ZNF331: variants seen among roughly 807,000 people sequenced by gnomAD.
The protein encoded by ZNF331 is zinc finger protein 331.
ZNF331 carries 2 observed loss-of-function variants against 7.0 expected under a neutral mutation model. The ratio of observed to expected loss-of-function variants is 0.29; its 90% CI spans 0.12 to 0.90. The LOEUF (loss-of-function observed/expected upper bound fraction) is 0.90, where lower values mean the gene tolerates loss of function less well. Ranked by LOEUF, ZNF331 falls within the 40% of genes least tolerant of loss-of-function variation. The pLI, the probability that ZNF331 is intolerant of heterozygous loss-of-function variation, is 0.58. For missense variants in ZNF331, 432 were observed against 587.7 expected (o/e 0.74, Z 2.74); for synonymous variants, 196 against 205.4 (o/e 0.95, Z 0.39).
chr19:53,571,485 T>C lies in ZNF331; in HGVS notation c.10-119T>C, dbSNP rs1028244730. 1 of 1,300,082 alleles carries C rather than the reference T, an allele frequency of 7.7e-7. No homozygotes were observed. Among genetic ancestry groups the C allele is most frequent in the Admixed American group, 2.1e-5 (1 of 46,608 alleles). 80.5% of individuals were successfully genotyped at this position (1,300,082 alleles called of 1,614,324 possible). A position where few individuals can be genotyped will look rare whatever the true frequency, so the allele number is the denominator to read the frequency against. On this transcript the variant is annotated intron_variant, in intron 4 of 5. Transcript: ENST00000449416. This position sits in a 1 kb window ranked among gnomAD's most constrained non-coding sequence, Gnocchi z 4.7. ...TGATGTCCTTACCGCCCCTTGCCGATGTCACGGGTGTTCAGTCTGCTCACG... is the reference window on the plus strand; with the variant it reads ...TGATGTCCTTACCGCCCCTTGCCGACGTCACGGGTGTTCAGTCTGCTCACG...
chr19:53,513,189 G>C, the ZNF331 span, among the ~76,000 whole-genome samples: 6 of 151,670 alleles, frequency 4.0e-5, no homozygotes, highest in Non-Finnish European at 8.8e-5. Context: ...CTGTCTGTCT[G>C]TCTCACAGTG....
Position 53,561,821 on chromosome 19 carries a change from C to G in ZNF331, c.-74+5913C>G, listed in dbSNP as rs531512837. 3.9e-5 allele frequency among the ~76,000 whole-genome samples: 6 copies of G among 152,244 alleles called. No homozygotes were observed. In the East Asian group the frequency reaches 1.2e-3, roughly 29 times the overall value. On this transcript the variant is annotated intron_variant, in intron 3 of 5. Coordinates refer to ENST00000449416, the MANE Select transcript of ZNF331 (RefSeq NM_001079906.2). Reference sequence around the variant, plus strand: ...TGAGCCGTGATCCCACCACTGCCCTCCAGCCTGGGTGAAAGAGTGAGACCA... The same window carrying G: ...TGAGCCGTGATCCCACCACTGCCCTGCAGCCTGGGTGAAAGAGTGAGACCA...
Position 53,539,399 on chromosome 19 carries a change from T to C in ZNF331, c.-138+117T>C, listed in dbSNP as rs2087974230. Reference sequence around the variant, plus strand: ...TTTCTGCCTCTTAGCTTTTTGAGCCTTCTGAAGATAGGCTTGTGAGGAGGG... The same window carrying C: ...TTTCTGCCTCTTAGCTTTTTGAGCCCTCTGAAGATAGGCTTGTGAGGAGGG... On this transcript the variant is annotated intron_variant, in intron 2 of 5. Transcript: ENST00000449416. This position sits in a 1 kb window ranked among gnomAD's most constrained non-coding sequence, Gnocchi z 6.1. 6.6e-6 allele frequency: 1 copy of C among 152,178 alleles called. No homozygotes were observed. The highest frequency in any genetic ancestry group is 2.4e-5 in the African/African-American group (1 of 41,440). 9.4% of individuals were successfully genotyped at this position (152,178 alleles called of 1,614,324 possible).
intron 2 of ZNF331, among the ~76,000 whole-genome samples, chr19:53,530,872 C>T (rs2569566): frequency 0.26 from 39,906 of 151,988 alleles, 6,208 homozygotes; most frequent in African/African-American, 0.43. Context: ...GACAGGTGTG[C>T]GAGTATCTTG....
intron 3 of ZNF331, among the ~76,000 whole-genome samples, chr19:53,557,383 A>G (rs2089503809): frequency 1.3e-5 from 2 of 152,284 alleles, no homozygotes; most frequent in African/African-American, 2.4e-5. Context: ...ATGGCCACAC[A>G]TGGTGAAAGG....
chr19:53,566,592 G>A (rs910962151), intron 3 of ZNF331, among the ~76,000 whole-genome samples: 1 of 152,024 alleles, frequency 6.6e-6, no homozygotes, highest in Admixed American at 6.6e-5. Flanking sequence ...TTATTCCAGC[G>A]AAGGGATACA....
intron 2 of ZNF331, among the ~76,000 whole-genome samples, chr19:53,524,373 C>T (rs1275764540): frequency 6.6e-6 from 1 of 152,218 alleles, no homozygotes; most frequent in African/African-American, 2.4e-5. Flanking sequence ...AATTTACACT[C>T]CCACCAACAG....
At chr19:53,517,429 A>C (rs1007830336), upstream of ZNF331, among the ~76,000 whole-genome samples, 3 of 152,190 alleles carry the variant, frequency 2.0e-5, no homozygotes, top group Non-Finnish European at 2.9e-5. Flanking sequence ...GCCATAAAAG[A>C]AGCTGGGCTT....
intron 2 of ZNF331, among the ~76,000 whole-genome samples, chr19:53,527,569 T>G (rs1289222522): frequency 6.6e-6 from 1 of 152,172 alleles, no homozygotes; most frequent in African/African-American, 2.4e-5. Flanking sequence ...CTGTTAACAT[T>G]TTGTTAACAG....
At chr19:53,553,468 G>A (rs551314547) in intron 2 of ZNF331, among the ~76,000 whole-genome samples, 4 of 152,178 alleles carry the variant, frequency 2.6e-5, no homozygotes, top group East Asian at 1.9e-4. Context: ...AAGAATCTAC[G>A]GTTGTATCAA....
At chr19:53,537,700 C>T (rs1473467699), upstream of ZNF331, 1 of 152,306 alleles carries the variant, frequency 6.6e-6, no homozygotes, top group Non-Finnish European at 1.5e-5. Context: ...CCGACGGCCC[C>T]GCGTCCTCTT....
Position 53,577,379 on chromosome 19 carries a change from T to C in ZNF331, c.819T>C (p.Cys273=), listed in dbSNP as rs2090769213. The C allele has an allele frequency of 6.2e-7, 1 of 1,614,206 alleles. No homozygotes were observed. The highest frequency in any genetic ancestry group is 8.5e-7 in the Non-Finnish European group (1 of 1,180,036). ...ATAGTGGGGAGAAGCCTTACGAGTG[T>C]AAAGACTGTGGGAAGGCTTTTATTT... ...RIHSGEKPYE[C]KDCGKAFICG... is the part of the protein sequence containing the mutation. The change falls in exon 6 of 6, where the codon TGT becomes TGC. Residue 273 remains cysteine, a synonymous_variant. Coordinates refer to ENST00000449416, the MANE Select transcript of ZNF331 (RefSeq NM_001079906.2).
At chr19:53,540,909 A>G (rs1357442560) in intron 2 of ZNF331, among the ~76,000 whole-genome samples, 1 of 152,136 alleles carries the variant, frequency 6.6e-6, no homozygotes, top group Non-Finnish European at 1.5e-5. Context: ...TCTCATTTTG[A>G]GGACCCTGGT....
chr19:53,556,387 C>T (rs980962571), intron 3 of ZNF331, among the ~76,000 whole-genome samples: 1 of 152,004 alleles, frequency 6.6e-6, no homozygotes, highest in Admixed American at 6.6e-5. Context: ...TAAACTGTCT[C>T]TTGTCTATTT....
At chr19:53,529,630 CACAA>C (rs1166487094) in intron 2 of ZNF331, among the ~76,000 whole-genome samples, 1 of 152,148 alleles carries the variant, frequency 6.6e-6, no homozygotes, top group Non-Finnish European at 1.5e-5. Context: ...AATATTCTTG[CACAA>C]ACAATTGTGT....
intron 5 of ZNF331, 105 bp from the exon 6 acceptor site, chr19:53,576,592 C>T (rs2090735816): frequency 1.0e-6 from 1 of 970,058 alleles, no homozygotes; most frequent in African/African-American, 1.6e-5. Flanking sequence ...CACATTTATT[C>T]TACTGGATAA....
Position 53,578,570 on chromosome 19 carries a change from T to G in ZNF331, c.*618T>G, listed in dbSNP as rs918644222. 4.2e-5 allele frequency: 9 copies of G among 212,068 alleles called. No homozygotes were observed. The highest frequency in any genetic ancestry group is 2.0e-4 in the African/African-American group (9 of 44,030). The allele number at this position is 212,068 out of a possible 1,614,324, so 13.1% of individuals were successfully genotyped here. A position where few individuals can be genotyped will look rare whatever the true frequency, so the allele number is the denominator to read the frequency against. The stretch of plus-strand genomic sequence containing the variant: ...TTATAAATTAAACTTTAGATATGTA[T>G]GTACAGGAAAAAATGTAGTATATAG... On this transcript the variant is annotated 3_prime_UTR_variant, in exon 6 of 6. Coordinates refer to ENST00000449416, the MANE Select transcript of ZNF331 (RefSeq NM_001079906.2).
At chr19:53,556,971 CTTTTTTTTTTTTTT>C (rs59869542) in intron 3 of ZNF331, among the ~76,000 whole-genome samples, 3 of 69,588 alleles carry the variant, frequency 4.3e-5, no homozygotes, top group Non-Finnish European at 7.4e-5. Context: ...ACACCTGGCT[CTTTTTTTTTTTTTT>C]TTTTTTTTTT....
In ZNF331 at chr19:53,543,957, G is replaced by A. The variant is rs867122162; in HGVS notation, c.-138+4675G>A. On this transcript the variant is annotated intron_variant, in intron 2 of 5. Transcript: ENST00000449416. ...ATAAAAATTTTCTCAAGCCAGACGC[G>A]GTGGCTCATGGCTGTAATCCCAGCA... 5.3e-5 allele frequency among the ~76,000 whole-genome samples: 8 copies of A among 152,090 alleles called. 1 individual carries two copies. Among genetic ancestry groups the A allele is most frequent in the South Asian group, 4.2e-4 (2 of 4,810 alleles).
Sources: gnomAD v4.1 joint callset for allele counts (sites outside exome capture counted in the v4.1 genomes callset) on GRCh38, gnomAD v4.1.1 for gene constraint, Gnocchi (gnomAD v3.1) non-coding constraint, MANE v1.5 for transcripts, NCBI Gene and HGNC (gene_info 2026-07-23, HGNC 2026-07-21) for gene names.